The following BRSK2 variants were observed in gnomAD, a reference collection of about 807,000 sequenced individuals.
BRSK2 encodes serine/threonine-protein kinase BRSK2.
In BRSK2, 19 loss-of-function variants were observed where a neutral mutation model predicts 83.3. That is an observed-to-expected ratio of 0.23 (90% CI 0.16 to 0.33). The LOEUF is 0.33. Among genes scored for constraint, BRSK2 ranks in the 10% least tolerant of loss-of-function variants. BRSK2 has a pLI of 1.00. For synonymous variants in BRSK2, 519 were observed against 435.4 expected (o/e 1.19, Z -2.39); for missense variants, 798 against 1,042.3 (o/e 0.77, Z 3.23).
intron 1 of BRSK2, among the ~76,000 whole-genome samples, chr11:1,414,928 G>T (rs1847932801): frequency 6.6e-6 from 1 of 152,150 alleles, no homozygotes; most frequent in Non-Finnish European, 1.5e-5. Flanking sequence ...ACTTACCTGT[G>T]TGGACAGACC....
At position 1,461,162 on chromosome 11, in the gene BRSK2, G is replaced by C; in HGVS notation, c.*439G>C. 9.9e-7 allele frequency: 1 copy of C among 1,006,026 alleles called. No individual in the cohort carries two copies. Among genetic ancestry groups the C allele is most frequent in the Non-Finnish European group, 1.4e-6 (1 of 712,374 alleles). The allele number at this position is 1,006,026 out of a possible 1,614,324, so 62.3% of individuals were successfully genotyped here. A position where few individuals can be genotyped will look rare whatever the true frequency, so the allele number is the denominator to read the frequency against. ...GGCCCGTGGGAGGAAGGCCAGGCTC[G>C]GGGGAGCCTCCTCCAGCCCGGCCGA... On this transcript the variant is annotated 3_prime_UTR_variant, in exon 20 of 20. Coordinates refer to ENST00000528841, the MANE Select transcript of BRSK2 (RefSeq NM_001256627.2).
At position 1,461,017 on chromosome 11, in the gene BRSK2, G is replaced by A. The variant is rs1847436995; in HGVS notation, c.*294G>A. On this transcript the variant is annotated 3_prime_UTR_variant, in exon 20 of 20. Transcript: ENST00000528841. ...TGTCACCTCCACGAGGCCATCCTCT[G>A]TGACCGAAGGCAGCTGCTGCGGACC... is the stretch of plus-strand genomic sequence containing the variant. 2 of 1,611,776 alleles carry A rather than the reference G, an allele frequency of 1.2e-6. No individual in the cohort carries two copies. Among genetic ancestry groups the A allele is most frequent in the African/African-American group, 2.7e-5 (2 of 75,002 alleles).
intron 1 of BRSK2, among the ~76,000 whole-genome samples, chr11:1,398,364 C>T (rs192912219): frequency 3.2e-4 from 49 of 152,222 alleles, no homozygotes; most frequent in Non-Finnish European, 6.3e-4. Flanking sequence ...GCGGGGGTGA[C>T]GTTGCTGCCC....
intron 1 of BRSK2, among the ~76,000 whole-genome samples, chr11:1,422,827 G>A (rs992361063): frequency 6.6e-6 from 1 of 152,162 alleles, no homozygotes; most frequent in Non-Finnish European, 1.5e-5. Context: ...CAGGACCGAG[G>A]GGGTGACGGA....
intron 1 of BRSK2, chr11:1,411,166 T>C (rs1847452642): frequency 2.4e-6 from 3 of 1,228,442 alleles, no homozygotes; most frequent in Admixed American, 4.2e-5. Context: ...TCAGGCTGGC[T>C]AGTTCCTCCT....
intron 1 of BRSK2, among the ~76,000 whole-genome samples, chr11:1,391,916 G>C (rs887806224): frequency 1.6e-4 from 24 of 152,144 alleles, no homozygotes; most frequent in Non-Finnish European, 2.2e-4. Flanking sequence ...TTCTGCTGGC[G>C]GCAGTTAATT....
At chr11:1,443,986 C>T (rs1379609167) in intron 8 of BRSK2, among the ~76,000 whole-genome samples, 1 of 152,126 alleles carries the variant, frequency 6.6e-6, no homozygotes, top group East Asian at 1.9e-4. Flanking sequence ...AGGCACATGC[C>T]CAGGTTCATG....
In BRSK2 at chr11:1,454,638, G is replaced by A. The variant is rs759196336; in HGVS notation, c.1668+30G>A. On this transcript the variant is annotated intron_variant, in intron 16 of 19. Transcript: ENST00000528841. This position sits in a 1 kb window ranked among gnomAD's most constrained non-coding sequence, Gnocchi z 5.2. ...GGCCACAGGGCGCTGGGGGAGGCGG[G>A]CAGCCCTCCCAACCCCACACGGCCC... The A allele has an allele frequency of 5.6e-6, 9 of 1,610,450 alleles. No individual in the cohort carries two copies. The highest frequency in any genetic ancestry group is 7.6e-6 in the Non-Finnish European group (9 of 1,179,258).
chr11:1,444,415 G>A (rs1012584772), intron 8 of BRSK2, among the ~76,000 whole-genome samples: 16 of 152,144 alleles, frequency 1.1e-4, no homozygotes, highest in African/African-American at 3.6e-4. Context: ...CACACCCCAC[G>A]AGCTGTCCCT....
At chr11:1,458,366 G>A (rs948822022) in intron 18 of BRSK2, among the ~76,000 whole-genome samples, 1 of 152,092 alleles carries the variant, frequency 6.6e-6, no homozygotes, top group Non-Finnish European at 1.5e-5. Flanking sequence ...AGAGGCTCTT[G>A]GGGGTCTATT....
At position 1,444,417 on chromosome 11, in the gene BRSK2, G is replaced by C. The variant is rs1851744843; in HGVS notation, c.781-554G>C. ...GTGGCCACTGCCTCACACCCCACGAGCTGTCCCTGAGTCAGGGTGGAGAGA... is the reference window on the plus strand; with the variant it reads ...GTGGCCACTGCCTCACACCCCACGACCTGTCCCTGAGTCAGGGTGGAGAGA... On this transcript the variant is annotated intron_variant, in intron 8 of 19. Transcript: ENST00000528841. Among the ~76,000 whole-genome samples, 4 of 152,158 alleles carry C rather than the reference G, an allele frequency of 2.6e-5. No homozygotes were observed. In the South Asian group the frequency reaches 8.3e-4, roughly 31 times the overall value.
At chr11:1,406,731 C>T (rs1846899276) in intron 1 of BRSK2, among the ~76,000 whole-genome samples, 1 of 151,938 alleles carries the variant, frequency 6.6e-6, no homozygotes, top group Non-Finnish European at 1.5e-5. Context: ...CTGGAGGGTG[C>T]GGGGGTGGGC....
intron 1 of BRSK2, chr11:1,411,001 G>A: frequency 1.0e-6 from 1 of 992,674 alleles, no homozygotes; most frequent in Non-Finnish European, 1.2e-6. Flanking sequence ...AGCAGGGGCG[G>A]AGAGAACAGC....
intron 9 of BRSK2, 58 bp from the exon 10 acceptor site, chr11:1,445,236 C>T (rs927760834): frequency 4.4e-5 from 68 of 1,545,444 alleles, no homozygotes; most frequent in Non-Finnish European, 5.5e-5. Context: ...GTCCCACCCT[C>T]GCAGCCGCCC....
At chr11:1,434,238 C>T (rs900925744) in intron 1 of BRSK2, among the ~76,000 whole-genome samples, 14 of 152,176 alleles carry the variant, frequency 9.2e-5, no homozygotes, top group South Asian at 2.1e-4. Flanking sequence ...TTGAGCACAG[C>T]GCGTGCACGG....
At chr11:1,448,325 C>T (rs534890156) in intron 12 of BRSK2, among the ~76,000 whole-genome samples, 40 of 152,280 alleles carry the variant, frequency 2.6e-4, no homozygotes, top group African/African-American at 7.5e-4. Context: ...GGGCGGGTGG[C>T]GCCGCCCCCA....
intron 1 of BRSK2, among the ~76,000 whole-genome samples, chr11:1,402,010 C>T (rs1313679073): frequency 6.6e-6 from 1 of 152,208 alleles, no homozygotes; most frequent in Non-Finnish European, 1.5e-5. Context: ...AGTCCCCCAG[C>T]CCTGGGCCCT....
At position 1,438,165 on chromosome 11, in the gene BRSK2, G is replaced by A. The variant is rs1040183508; in HGVS notation, c.187-141G>A. ...AAGGCCCCTGCGTCCCCCACAGCTG[G>A]CACCAAAGGCCCCTGCGACCCCCAC... On this transcript the variant is annotated intron_variant, in intron 2 of 19. Transcript: ENST00000528841. The surrounding 1 kb of genome is among the most constrained non-coding windows in gnomAD (Gnocchi z 6.4). 6.9e-6 allele frequency: 4 copies of A among 582,672 alleles called. No homozygotes were observed. The African/African-American group carries it at 8.2e-5, about 12-fold the overall frequency. 36.1% of individuals were successfully genotyped at this position (582,672 alleles called of 1,614,324 possible). A position where few individuals can be genotyped will look rare whatever the true frequency, so the allele number is the denominator to read the frequency against.
chr11:1,446,014 T>C (rs1168919825), intron 12 of BRSK2, 107 bp downstream of exon 12: 20 of 1,408,450 alleles, frequency 1.4e-5, no homozygotes, highest in Non-Finnish European at 1.6e-5. Context: ...GCTGAGGCCA[T>C]TGGGTGGGGC....
Sources: allele counts gnomAD v4.1 joint callset (sites outside exome capture counted in the v4.1 genomes callset), GRCh38; gene constraint gnomAD v4.1.1; non-coding constraint Gnocchi (gnomAD v3.1); transcripts MANE v1.5; gene names NCBI Gene and HGNC (gene_info 2026-07-23, HGNC 2026-07-21).